DNMT3A: variants seen among roughly 807,000 people sequenced by gnomAD.
The protein encoded by DNMT3A is DNA methyltransferase 3 alpha, also known as DNA (cytosine-5)-methyltransferase 3A.
DNMT3A carries 267 observed loss-of-function variants against 117.6 expected under a neutral mutation model. That is an observed-to-expected ratio of 2.27 (90% CI 2.05 to 2.51). The LOEUF (loss-of-function observed/expected upper bound fraction) is 2.51. Ranked by LOEUF, DNMT3A falls within the 30% of genes most tolerant of loss-of-function variation. DNMT3A has a pLI of 0.00. For synonymous variants in DNMT3A, 432 were observed against 474.8 expected (o/e 0.91, Z 1.17); for missense variants, 1,029 against 1,260.2 (o/e 0.82, Z 2.78).
intron 6 of DNMT3A, among the ~76,000 whole-genome samples, chr2:25,256,858 G>A (rs1421011672): frequency 6.6e-6 from 1 of 152,204 alleles, no homozygotes; most frequent in Non-Finnish European, 1.5e-5. Flanking sequence ...TATTCCTAGA[G>A]GGCAGGGACT....
At chr2:25,329,689 A>T (rs1040277070) in intron 1 of DNMT3A, among the ~76,000 whole-genome samples, 1 of 148,906 alleles carries the variant, frequency 6.7e-6, no homozygotes, top group African/African-American at 2.6e-5. Flanking sequence ...ACACACACAC[A>T]CACACACACA....
At chr2:25,265,490 A>G (rs953967892) in intron 6 of DNMT3A, among the ~76,000 whole-genome samples, 36 of 152,158 alleles carry the variant, frequency 2.4e-4, no homozygotes, top group African/African-American at 8.4e-4. Flanking sequence ...TTACCTAGAT[A>G]AATCTTAATT....
At chr2:25,248,339 A>C in intron 6 of DNMT3A, 87 bp from the exon 7 acceptor site, 1 of 1,432,742 alleles carries the variant, frequency 7.0e-7, no homozygotes, top group Non-Finnish European at 9.5e-7. Context: ...TGTTTGTCAA[A>C]ACCCGGAACA....
At chr2:25,302,069 C>T (rs575921081) in intron 2 of DNMT3A, among the ~76,000 whole-genome samples, 8 of 152,276 alleles carry the variant, frequency 5.3e-5, no homozygotes, top group South Asian at 4.1e-4. Flanking sequence ...GCAGGGCAGA[C>T]CATCATGGCT....
chr2:25,316,946 T>G (rs1293005690), intron 1 of DNMT3A, among the ~76,000 whole-genome samples: 1 of 152,216 alleles, frequency 6.6e-6, no homozygotes, highest in Non-Finnish European at 1.5e-5. Flanking sequence ...ACAGCTGATA[T>G]GATCACCATC....
intron 22 of DNMT3A, among the ~76,000 whole-genome samples, chr2:25,235,053 C>G (rs570676744): frequency 6.6e-6 from 1 of 152,166 alleles, no homozygotes; most frequent in Non-Finnish European, 1.5e-5. Context: ...CTGCCTGGCC[C>G]TATGCTGGCT....
Position 25,272,111 on chromosome 2 carries a change from C to T in DNMT3A, c.639+2830G>A, listed in dbSNP as rs543617708. Among the ~76,000 whole-genome samples the T allele has an allele frequency of 2.6e-5, 4 of 152,216 alleles. No homozygotes were observed. In the South Asian group the frequency reaches 8.3e-4, roughly 32 times the overall value. On this transcript the variant is annotated intron_variant, in intron 6 of 22. Transcript: ENST00000321117. ...CAGTGATTCTCCTGCCTCAGCCTCC[C>T]AAGTAGCTGGGATTACAGGTGCCCG... is the stretch of plus-strand genomic sequence containing the variant.
At chr2:25,312,599 C>A (rs183998862) in intron 2 of DNMT3A, among the ~76,000 whole-genome samples, 2 of 152,314 alleles carry the variant, frequency 1.3e-5, no homozygotes, top group Admixed American at 1.3e-4. Flanking sequence ...AGGCTGTCAT[C>A]TGGACCTGCC....
At chr2:25,307,511 G>T (rs577726986) in intron 2 of DNMT3A, among the ~76,000 whole-genome samples, 1 of 143,596 alleles carries the variant, frequency 7.0e-6, no homozygotes, top group African/African-American at 2.6e-5. Flanking sequence ...TGCCACCCAG[G>T]CTGGAGTGCA....
intron 13 of DNMT3A, 152 bp from the exon 14 acceptor site, chr2:25,244,804 C>G (rs923161002): frequency 8.9e-6 from 6 of 677,936 alleles, no homozygotes; most frequent in Non-Finnish European, 1.5e-5. Flanking sequence ...AGCTGCAGAT[C>G]TGGGAAGGGG....
chr2:25,303,742 C>T (rs2033641880), intron 2 of DNMT3A, among the ~76,000 whole-genome samples: 1 of 152,224 alleles, frequency 6.6e-6, no homozygotes, highest in Non-Finnish European at 1.5e-5. Flanking sequence ...AACTCTTCCG[C>T]GATGGAGTCT....
rs2149332876 is a variant in DNMT3A, at chr2:25,254,767, A to T, written c.640-6515T>A. ...GTTCTGGCTTGGTGGCCTTTTGCAG[A>T]CACTGTCTCATGTACGATACCCGCT... On this transcript the variant is annotated intron_variant, in intron 6 of 22. Transcript: ENST00000321117. The surrounding 1 kb of genome is among the most constrained non-coding windows in gnomAD (Gnocchi z 4.7). Among the ~76,000 whole-genome samples, 1 of 152,314 alleles carries T rather than the reference A, an allele frequency of 6.6e-6. No individual in the cohort carries two copies. Among genetic ancestry groups the T allele is most frequent in the East Asian group, 1.9e-4 (1 of 5,184 alleles).
At position 25,305,404 on chromosome 2, in the gene DNMT3A, C is replaced by T. The variant is rs996565474; in HGVS notation, c.73-5161G>A. On this transcript the variant is annotated intron_variant, in intron 2 of 22. Transcript: ENST00000321117. This position sits in a 1 kb window ranked among gnomAD's most constrained non-coding sequence, Gnocchi z 4.1. ...ATGGATTATTTTAAGCCATATACAA[C>T]GTCTCATTCTGATGCGCTGGGCTAT... Among the ~76,000 whole-genome samples the T allele has an allele frequency of 2.6e-5, 4 of 152,212 alleles. No individual in the cohort carries two copies. The highest frequency in any genetic ancestry group is 1.9e-4 in the East Asian group (1 of 5,202).
rs1461375543 is a variant in DNMT3A, at chr2:25,234,703, C to T, written c.2598-283G>A. Among the ~76,000 whole-genome samples the T allele has an allele frequency of 1.3e-5, 2 of 152,182 alleles. No individual in the cohort carries two copies. Among genetic ancestry groups the T allele is most frequent in the Non-Finnish European group, 2.9e-5 (2 of 68,036 alleles). On this transcript the variant is annotated intron_variant, in intron 22 of 22. Transcript: ENST00000321117. The surrounding 1 kb of genome is among the most constrained non-coding windows in gnomAD (Gnocchi z 4.5). ...TCATCACTGCCTAGAGTTTCACAAC[C>T]CAGCAGAAATAAGAGTAATTTTGAA...
rs1411087846 is a variant in DNMT3A, at chr2:25,311,908, T to A, written c.72+2005A>T. ...GTTGCTTCTCAGTCCTGAGCTATTA[T>A]AATGCAGATCCTGACCTGCTCCCGT... On this transcript the variant is annotated intron_variant, in intron 2 of 22. Transcript: ENST00000321117. The surrounding 1 kb of genome is among the most constrained non-coding windows in gnomAD (Gnocchi z 5.2). 2.0e-5 allele frequency among the ~76,000 whole-genome samples: 3 copies of A among 152,180 alleles called. No individual in the cohort carries two copies. Among genetic ancestry groups the A allele is most frequent in the Non-Finnish European group, 1.5e-5 (1 of 68,026 alleles).
rs1361235617 is a variant in DNMT3A at position 25,244,303 on chromosome 2, CCCA to C, written c.1700_1702del (p.Val567del). Reference sequence around the variant, plus strand: ...AATGGCTGCCTGGGCAGCCCCCGGCCCCACCAAGAGGTCCACACACTCCACGCA... The same window carrying C: ...AATGGCTGCCTGGGCAGCCCCCGGCCCCAAGAGGTCCACACACTCCACGCA... On this transcript the variant is annotated inframe_deletion, in exon 15 of 23. Coordinates refer to ENST00000321117, the MANE Select transcript of DNMT3A (RefSeq NM_022552.5). 4 of 1,611,204 alleles carry C rather than the reference CCCA, an allele frequency of 2.5e-6. No homozygotes were observed. The highest frequency in any genetic ancestry group is 2.5e-6 in the Non-Finnish European group (3 of 1,178,912).
chr2:25,317,990 C>T (rs896341207), intron 1 of DNMT3A, among the ~76,000 whole-genome samples: 1 of 152,204 alleles, frequency 6.6e-6, no homozygotes, highest in Non-Finnish European at 1.5e-5. Flanking sequence ...CCACGTCAGC[C>T]TCCCAAAGTG....
In DNMT3A at chr2:25,248,239, G is replaced by A. The variant is rs1374860380; in HGVS notation, c.653C>T (p.Ala218Val). 1 of 1,611,770 alleles carries A rather than the reference G, an allele frequency of 6.2e-7. No individual in the cohort carries two copies. Among genetic ancestry groups the A allele is most frequent in the African/African-American group, 1.3e-5 (1 of 74,702 alleles). ...ARWKREAEKK[A>V]KVIAGMNAVE... ...AGCATTCATTCCTGCAATGACCTTG[G>A]CTTTCTTCTCAGCCTGGGGAAACAA... The change falls in exon 7 of 23, where the codon GCC (alanine) becomes GTC (valine). Residue 218 changes from alanine to valine, a missense_variant. Physicochemically the swap from Ala to Val is moderately conservative, Grantham distance 64. Coordinates refer to ENST00000321117, the MANE Select transcript of DNMT3A (RefSeq NM_022552.5).
chr2:25,273,628 G>A (rs952838609), intron 6 of DNMT3A, among the ~76,000 whole-genome samples: 3 of 152,140 alleles, frequency 2.0e-5, no homozygotes. Flanking sequence ...AAAATTGTGC[G>A]TGGCGAGTTG....
Sources: gnomAD v4.1 joint callset for allele counts (sites outside exome capture counted in the v4.1 genomes callset) on GRCh38, gnomAD v4.1.1 for gene constraint, Gnocchi (gnomAD v3.1) non-coding constraint, MANE v1.5 for transcripts, NCBI Gene and HGNC (gene_info 2026-07-23, HGNC 2026-07-21) for gene names.